The following ASTN1 variants were observed in gnomAD, a reference collection of about 807,000 sequenced individuals.
The protein encoded by ASTN1 is astrotactin-1.
A neutral mutation model predicts 140.7 loss-of-function variants in ASTN1; 41 were observed. The ratio of observed to expected loss-of-function variants is 0.29; its 90% CI spans 0.23 to 0.38. The LOEUF (loss-of-function observed/expected upper bound fraction) is 0.38, where lower values mean the gene tolerates loss of function less well. Ranked by LOEUF, ASTN1 falls within the 10% of genes least tolerant of loss-of-function variation. The pLI, the probability that ASTN1 is intolerant of heterozygous loss-of-function variation, is 1.00. For missense variants in ASTN1, 1,479 were observed against 1,678.8 expected, an observed-to-expected ratio of 0.88 and a Z score of 2.08; for synonymous variants, 640 against 652.2, an observed-to-expected ratio of 0.98 and a Z score of 0.29.
chr1:176,991,435 C>CAAAAAAAAAAAAAAAAAAAAAAA (rs1558014971), intron 8 of ASTN1, among the ~76,000 whole-genome samples: 1 of 5,696 alleles, frequency 1.8e-4, no homozygotes, highest in African/African-American at 5.1e-4. Flanking sequence ...AAAAAAAAAA[C>CAAAAAAAAAAAAAAAAAAAAAAA]CAAAAAAAAA....
chr1:177,001,769 T>C (rs1415272697), intron 8 of ASTN1, among the ~76,000 whole-genome samples: 2 of 152,198 alleles, frequency 1.3e-5, no homozygotes, highest in African/African-American at 4.8e-5. Context: ...TAGGGGGTGC[T>C]ATAATAATAC....
chr1:176,869,087 A>G (rs1311216052), intron 21 of ASTN1, 60 bp from the exon 22 acceptor site: 1 of 1,158,042 alleles, frequency 8.6e-7, no homozygotes, highest in African/African-American at 1.6e-5. Context: ...GTATATATAT[A>G]CACACATTAT....
chr1:177,060,841 C>T (rs528048298), intron 2 of ASTN1, among the ~76,000 whole-genome samples: 20 of 152,254 alleles, frequency 1.3e-4, no homozygotes, highest in African/African-American at 4.8e-4. Flanking sequence ...AAAGTTTCTT[C>T]ATATCTGAGC....
chr1:176,999,496 G>A (rs1225627735), intron 8 of ASTN1, among the ~76,000 whole-genome samples: 1 of 152,232 alleles, frequency 6.6e-6, no homozygotes, highest in Admixed American at 6.5e-5. Flanking sequence ...TATACTTGAT[G>A]AATTCATGTG....
At chr1:177,161,483 A>G (rs1392103590) in intron 1 of ASTN1, among the ~76,000 whole-genome samples, 2 of 152,212 alleles carry the variant, frequency 1.3e-5, no homozygotes, top group African/African-American at 4.8e-5. Flanking sequence ...CAGAAATGGG[A>G]TAGAGGCTTC....
chr1:176,954,923 T>C (rs1375113834), intron 11 of ASTN1, among the ~76,000 whole-genome samples: 1 of 152,208 alleles, frequency 6.6e-6, no homozygotes, highest in Non-Finnish European at 1.5e-5. Context: ...TGGGAGTCCA[T>C]GCATAACTGA....
At chr1:177,029,905 G>A (rs1489666064) in intron 4 of ASTN1, among the ~76,000 whole-genome samples, 164 bp from the exon 5 acceptor site, 1 of 152,210 alleles carries the variant, frequency 6.6e-6, no homozygotes, top group African/African-American at 2.4e-5. Context: ...ACACGGATAT[G>A]TTGGAGAAGT....
At chr1:176,939,577 C>G (rs2103100413) in intron 14 of ASTN1, among the ~76,000 whole-genome samples, 1 of 151,910 alleles carries the variant, frequency 6.6e-6, no homozygotes, top group South Asian at 2.1e-4. Context: ...CTAGGTGAGC[C>G]ATATGACATA....
chr1:176,958,440 G>T lies in ASTN1; in HGVS notation c.1641C>A (p.Ser547Arg). Reference protein sequence around the residue: ...TLGEGMWLPLSKSFVIPPAEL... With the variant: ...TLGEGMWLPLRKSFVIPPAEL... ...CGGCTGGTGGAATCACAAAGCTCTT[G>T]CTGAGGGGCAACCACATGCCCTCCC... Residue 547 changes from serine to arginine, a missense_variant, in exon 10 of 23, where the codon AGC becomes AGA. This residue lies in a region of ASTN1 where 729 missense variants were observed against 860.4 expected (regional missense o/e 0.85). Transcript: ENST00000361833. 6.2e-7 allele frequency: 1 copy of T among 1,613,986 alleles called. No homozygotes were observed. Among genetic ancestry groups the T allele is most frequent in the Non-Finnish European group, 8.5e-7 (1 of 1,179,970 alleles).
intron 2 of ASTN1, among the ~76,000 whole-genome samples, chr1:177,053,082 A>T (rs940439379): frequency 6.6e-6 from 1 of 152,204 alleles, no homozygotes; most frequent in Non-Finnish European, 1.5e-5. Context: ...CTGGAGACAC[A>T]GTGAGGGCTT....
At chr1:177,148,855 C>G (rs1402014104) in intron 1 of ASTN1, among the ~76,000 whole-genome samples, 3 of 151,380 alleles carry the variant, frequency 2.0e-5, no homozygotes, top group Non-Finnish European at 4.4e-5. Context: ...ACTGTGACTG[C>G]TATTATGAAT....
chr1:176,917,919 T>C (rs1348180055), intron 16 of ASTN1, among the ~76,000 whole-genome samples: 5 of 152,160 alleles, frequency 3.3e-5, no homozygotes, highest in Admixed American at 6.5e-5. Flanking sequence ...AAACAGTATA[T>C]GTCAAAAATA....
At chr1:177,074,361 C>T (rs1001496379) in intron 1 of ASTN1, among the ~76,000 whole-genome samples, 1 of 152,128 alleles carries the variant, frequency 6.6e-6, no homozygotes, top group Non-Finnish European at 1.5e-5. Flanking sequence ...CCATGCCCAA[C>T]AAATATAGTA....
At chr1:177,087,364 T>C (rs182425600) in intron 1 of ASTN1, among the ~76,000 whole-genome samples, 19 of 152,278 alleles carry the variant, frequency 1.2e-4, no homozygotes, top group Admixed American at 1.0e-3. Context: ...GTGGAAATCG[T>C]CTTTCAGTGA....
chr1:177,134,966 A>C (rs1380311253), intron 1 of ASTN1, among the ~76,000 whole-genome samples: 1 of 152,172 alleles, frequency 6.6e-6, no homozygotes, highest in African/African-American at 2.4e-5. Context: ...AAGAGGTTCA[A>C]GTGAATGAAG....
chr1:177,050,959 GA>G (rs1236632180), intron 2 of ASTN1, among the ~76,000 whole-genome samples: 3 of 151,658 alleles, frequency 2.0e-5, no homozygotes, highest in Admixed American at 1.3e-4. Context: ...GACTCACAGG[GA>G]AAAAAAACAG....
intron 1 of ASTN1, among the ~76,000 whole-genome samples, chr1:177,078,152 G>C (rs1289691458): frequency 1.3e-5 from 2 of 152,036 alleles, no homozygotes; most frequent in Non-Finnish European, 2.9e-5. Context: ...GAAAGGAGAG[G>C]AAGATGTATG....
At chr1:177,075,297 C>T (rs1156805175) in intron 1 of ASTN1, among the ~76,000 whole-genome samples, 1 of 152,094 alleles carries the variant, frequency 6.6e-6, no homozygotes, top group East Asian at 1.9e-4. Flanking sequence ...TGGTCTCAAA[C>T]TCCTGACCTC....
intron 1 of ASTN1, among the ~76,000 whole-genome samples, chr1:177,094,169 G>T (rs753202963): frequency 6.6e-6 from 1 of 152,170 alleles, no homozygotes; most frequent in African/African-American, 2.4e-5. Flanking sequence ...AAATGAGATA[G>T]ATATTATCCT....
Sources: gnomAD v4.1 joint callset for allele counts (sites outside exome capture counted in the v4.1 genomes callset) on GRCh38, gnomAD v4.1.1 for gene constraint, gnomAD v4.1.1 regional missense constraint, MANE v1.5 for transcripts, NCBI Gene and HGNC (gene_info 2026-07-23, HGNC 2026-07-21) for gene names.